CERS2: variants seen among roughly 807,000 people sequenced by gnomAD.
CERS2 encodes ceramide synthase 2, also known as LAG1 homolog, ceramide synthase 2.
CERS2 carries 20 observed loss-of-function variants against 56.6 expected under a neutral mutation model. The ratio of observed to expected loss-of-function variants is 0.35; its 90% confidence interval spans 0.25 to 0.51. CERS2 has a LOEUF of 0.51. CERS2 is among the 20% of genes least tolerant of loss of function. The probability of loss-of-function intolerance (pLI) is 0.96; values close to 1 mark genes in which losing one functional copy is unlikely to be tolerated. For missense variants in CERS2, 361 were observed against 488.6 expected (o/e 0.74, Z 2.46); for synonymous variants, 187 against 175.4 (o/e 1.07, Z -0.52).
At chr1:150,971,727 C>T in intron 1 of CERS2, 1 of 357,382 alleles carries the variant, frequency 2.8e-6, no homozygotes, top group Non-Finnish European at 5.8e-6. Flanking sequence ...AAAGAAGGGA[C>T]AAGGGTAGAA....
intron 4 of CERS2, 47 bp downstream of exon 4, chr1:150,968,036 C>T: frequency 6.4e-7 from 1 of 1,551,972 alleles, no homozygotes; most frequent in Non-Finnish European, 8.9e-7. Flanking sequence ...CAGCAAGACA[C>T]ATCAGGATAT....
At chr1:150,970,838 C>T (rs1379330631) in intron 1 of CERS2, among the ~76,000 whole-genome samples, 3 of 152,160 alleles carry the variant, frequency 2.0e-5, no homozygotes, top group Non-Finnish European at 2.9e-5. Context: ...CGTATAAATG[C>T]TCATCCAGAA....
intron 2 of CERS2, 99 bp downstream of exon 2, chr1:150,968,819 C>G (rs1027867159): frequency 1.7e-6 from 2 of 1,200,216 alleles, no homozygotes; most frequent in Middle Eastern, 5.8e-4. Flanking sequence ...GCCAGAACAT[C>G]AGGGTCAAGG....
In CERS2 at chr1:150,972,280, C is replaced by T. The variant is rs181146920; in HGVS notation, c.-2+2339G>A. Among the ~76,000 whole-genome samples, 388 of 152,308 alleles carry T rather than the reference C, an allele frequency of 2.5e-3. 1 individual carries two copies. Among genetic ancestry groups the T allele is most frequent in the Middle Eastern group, 0.01 (3 of 294 alleles). On this transcript the variant is annotated intron_variant, in intron 1 of 10. Transcript: ENST00000368954. Reference sequence around the variant, plus strand: ...ACAGCCCTCCCTGGTGGTCCTGCACCTCCATTAGCAGAGAGGCACTACCCC... The same window carrying T: ...ACAGCCCTCCCTGGTGGTCCTGCACTTCCATTAGCAGAGAGGCACTACCCC...
chr1:150,969,092 C>G lies in CERS2; in HGVS notation c.-1-1G>C. On this transcript the variant is annotated splice_acceptor_variant, in intron 1 of 10. Transcript: ENST00000368954. LOFTEE classifies it low-confidence loss of function (5UTR_SPLICE). Reference sequence around the variant, plus strand: ...GTAATCATACAAGGTCTGGAGCATCCTGAGTGAGGGGCAAAGGGGAGGGCA... The same window carrying G: ...GTAATCATACAAGGTCTGGAGCATCGTGAGTGAGGGGCAAAGGGGAGGGCA... 6.2e-7 allele frequency: 1 copy of G among 1,613,542 alleles called. No homozygotes were observed. Among genetic ancestry groups the G allele is most frequent in the Non-Finnish European group, 8.5e-7 (1 of 1,179,972 alleles).
chr1:150,969,524 G>A (rs983075694), intron 1 of CERS2, among the ~76,000 whole-genome samples: 1 of 151,244 alleles, frequency 6.6e-6, no homozygotes, highest in Non-Finnish European at 1.5e-5. Context: ...GCAGTGAGCC[G>A]GAATCACGCC....
At chr1:150,974,456 C>A (rs1414260861) in intron 1 of CERS2, 163 bp downstream of exon 1, 1 of 149,414 alleles carries the variant, frequency 6.7e-6, no homozygotes, top group Admixed American at 6.7e-5. Context: ...GCCCGCAGCG[C>A]CCCCCGCCAG....
intron 8 of CERS2, 44 bp from the exon 9 acceptor site, chr1:150,966,906 C>T: frequency 1.3e-6 from 2 of 1,491,858 alleles, no homozygotes; most frequent in Non-Finnish European, 1.9e-6. Context: ...TCCTGACTCC[C>T]TCGAGTACAT....
intron 8 of CERS2, 32 bp from the exon 9 acceptor site, chr1:150,966,894 G>A: frequency 6.5e-7 from 1 of 1,531,052 alleles, no homozygotes; most frequent in Non-Finnish European, 9.1e-7. Flanking sequence ...ATCATCATGG[G>A]CTCCTGACTC....
rs1289608458 is a variant in CERS2, at chr1:150,968,459, A to C, written c.227T>G (p.Leu76Arg). 1 of 1,614,076 alleles carries C rather than the reference A, an allele frequency of 6.2e-7. No homozygotes were observed. The highest frequency in any genetic ancestry group is 8.5e-7 in the Non-Finnish European group (1 of 1,180,036). The part of the protein sequence containing the change: ...ALLNIKEKTR[L>R]RAPPNATLEH... Reference sequence around the variant, plus strand: ...CAAGGTGGCGTTGGGAGGTGCCCGCAGCCGAGTTTTCTCCTTTATGTTCAA... The same window carrying C: ...CAAGGTGGCGTTGGGAGGTGCCCGCCGCCGAGTTTTCTCCTTTATGTTCAA... Residue 76 changes from leucine to arginine, a missense_variant, in exon 3 of 11, where the codon CTG (leucine) becomes CGG (arginine). Around this residue, in one of 3 missense-constraint regions of CERS2, gnomAD observed 236 missense variants for 309.2 expected, o/e 0.76. Coordinates refer to ENST00000368954, the MANE Select transcript of CERS2 (RefSeq NM_022075.5).
intron 1 of CERS2, among the ~76,000 whole-genome samples, chr1:150,972,716 T>C (rs933867907): frequency 6.6e-6 from 1 of 152,210 alleles, no homozygotes; most frequent in Non-Finnish European, 1.5e-5. Context: ...GAGGCACAGA[T>C]GCCACTTTCT....
intron 1 of CERS2, among the ~76,000 whole-genome samples, chr1:150,971,682 C>A (rs587753588): frequency 6.6e-6 from 1 of 152,308 alleles, no homozygotes; most frequent in East Asian, 1.9e-4. Flanking sequence ...CAAACACACA[C>A]TTTTTTCCTA....
At chr1:150,966,945 G>C in intron 8 of CERS2, 83 bp from the exon 9 acceptor site, 1 of 1,430,988 alleles carries the variant, frequency 7.0e-7, no homozygotes, top group South Asian at 1.2e-5. Flanking sequence ...TAGGAGCACT[G>C]ACTCTGTGCC....
At chr1:150,973,918 C>T (rs980758988) in intron 1 of CERS2, 2 of 152,440 alleles carry the variant, frequency 1.3e-5, no homozygotes, top group African/African-American at 2.4e-5. Context: ...ACCCACTTGC[C>T]ACGGGCCTCT....
At chr1:150,971,988 C>T (rs777863399) in intron 1 of CERS2, 68 of 456,138 alleles carry the variant, frequency 1.5e-4, no homozygotes, top group Non-Finnish European at 2.2e-4. Context: ...TCTAGTCAGG[C>T]GGCAGGCTGG....
chr1:150,967,301 C>T, intron 7 of CERS2, 91 bp downstream of exon 7: 1 of 1,441,672 alleles, frequency 6.9e-7, no homozygotes, highest in South Asian at 1.1e-5. Context: ...CCAACAGCTC[C>T]ATTCAGAGTA....
chr1:150,969,304 G>A (rs1311037994), intron 1 of CERS2: 4 of 542,938 alleles, frequency 7.4e-6, no homozygotes, highest in South Asian at 6.5e-5. Flanking sequence ...GGCCGGCCGT[G>A]ATGGCTCATG....
chr1:150,974,325 C>T (rs1048225283), intron 1 of CERS2: 4 of 151,730 alleles, frequency 2.6e-5, no homozygotes, highest in East Asian at 1.9e-4. Context: ...TACCTGTTGC[C>T]CGGGAAAGCT....
intron 1 of CERS2, chr1:150,973,881 A>C (rs1671245103): frequency 6.6e-6 from 1 of 152,238 alleles, no homozygotes; most frequent in African/African-American, 2.4e-5. Flanking sequence ...CTGCAGGCTA[A>C]AGATGAGTGC....
Sources: gnomAD v4.1 joint callset for allele counts (sites outside exome capture counted in the v4.1 genomes callset) on GRCh38, gnomAD v4.1.1 for gene constraint, gnomAD v4.1.1 regional missense constraint, MANE v1.5 for transcripts, NCBI Gene and HGNC (gene_info 2026-07-23, HGNC 2026-07-21) for gene names.